The following PCDH17 variants were observed in gnomAD, a reference collection of about 807,000 sequenced individuals.
PCDH17 encodes the protein protocadherin 17, also known as protocadherin-17.
PCDH17 carries 21 observed loss-of-function variants against 67.7 expected under a neutral mutation model. The observed-to-expected ratio is 0.31, with a 90% CI of 0.22 to 0.45. The LOEUF is 0.45. Ranked by LOEUF, PCDH17 falls within the 20% of genes least tolerant of loss-of-function variation. The probability of loss-of-function intolerance (pLI) is 1.00; values close to 1 mark genes in which losing one functional copy is unlikely to be tolerated. For synonymous variants in PCDH17, 701 were observed against 656.7 expected, an observed-to-expected ratio of 1.07 and a Z score of -1.03; for missense variants, 1,471 against 1,564.8, an observed-to-expected ratio of 0.94 and a Z score of 1.01.
At chr13:57,649,648 A>G (rs780131875) in intron 1 of PCDH17, among the ~76,000 whole-genome samples, 7 of 152,208 alleles carry the variant, frequency 4.6e-5, no homozygotes, top group Admixed American at 1.3e-4. Context: ...GAATAATGTA[A>G]TAATATGTCA....
In PCDH17 at chr13:57,635,103, A is replaced by G; in HGVS notation, c.2557A>G (p.Ile853Val). Residue 853 changes from isoleucine to valine, a missense_variant, in exon 1 of 4, where the codon ATA (isoleucine) becomes GTA (valine). By Grantham distance (29) the Ile-to-Val change is conservative. Coordinates refer to ENST00000377918, the MANE Select transcript of PCDH17 (RefSeq NM_001040429.3). Reference protein sequence around the residue: ...ASETPATRMSIIQTDNFPAEP... With the variant: ...ASETPATRMSVIQTDNFPAEP... Reference sequence around the variant, plus strand: ...CGAGACCCCTGCCACTCGGATGTCCATAATTCAGGTAGGAGACTTTTAGCA... The same window carrying G: ...CGAGACCCCTGCCACTCGGATGTCCGTAATTCAGGTAGGAGACTTTTAGCA... 6.2e-7 allele frequency: 1 copy of G among 1,613,226 alleles called. No individual in the cohort carries two copies. Among genetic ancestry groups the G allele is most frequent in the Non-Finnish European group, 8.5e-7 (1 of 1,179,934 alleles).
At chr13:57,709,629 T>C (rs1955757059) in intron 3 of PCDH17, 1 of 152,198 alleles carries the variant, frequency 6.6e-6, no homozygotes, top group Non-Finnish European at 1.5e-5. Flanking sequence ...TCCTACTTGG[T>C]TTTTTCTATT....
Position 57,715,857 on chromosome 13 carries a change from CAG to C in PCDH17, c.2798-8753_2798-8752del, listed in dbSNP as rs199771618. On this transcript the variant is annotated intron_variant, in intron 3 of 3. Transcript: ENST00000377918. ...AAATGTTATGTTTGGTTAATGATAA[CAG>C]AAAATTAGAGGAAGAGGGAAGAAAG... is the stretch of plus-strand genomic sequence containing the variant. Among the ~76,000 whole-genome samples the C allele has an allele frequency of 4.3e-3, 657 of 151,614 alleles. 4 individuals carry two copies. The highest frequency in any genetic ancestry group is 0.013 in the African/African-American group (520 of 41,330).
In PCDH17 at chr13:57,696,682, G is replaced by A. The variant is rs187438092; in HGVS notation, c.2798-27930G>A. Among the ~76,000 whole-genome samples, 17 of 151,460 alleles carry A rather than the reference G, an allele frequency of 1.1e-4. No homozygotes were observed. In the East Asian group the frequency reaches 3.1e-3, roughly 28 times the overall value. On this transcript the variant is annotated intron_variant, in intron 3 of 3. Coordinates refer to ENST00000377918, the MANE Select transcript of PCDH17 (RefSeq NM_001040429.3). ...TGAAATTTATTTTGTCATTTACATA[G>A]GATAAAGAAAGTTAGGGGTTCTGTT...
At position 57,633,692 on chromosome 13, in the gene PCDH17, C is replaced by G. The variant is rs1954767666; in HGVS notation, c.1146C>G (p.Gly382=). The G allele has an allele frequency of 1.3e-6, 2 of 1,599,878 alleles. No individual in the cohort carries two copies. Among genetic ancestry groups the G allele is most frequent in the African/African-American group, 1.3e-5 (1 of 74,908 alleles). ...ALVRVTDRDS[G]KNGQLQCRVL... is the part of the protein sequence containing the mutation. ...TGCGGGTCACTGACCGGGACTCTGG[C>G]AAGAACGGACAGCTGCAGTGTCGGG... Residue 382 remains glycine (G), a synonymous_variant, in exon 1 of 4, where the codon GGC becomes GGG. Transcript: ENST00000377918. The surrounding 1 kb of genome is among the most constrained non-coding windows in gnomAD (Gnocchi z 6.2).
rs949985976 is a variant in PCDH17 at position 57,632,446 on chromosome 13, C to T, written c.-101C>T. On this transcript the variant is annotated 5_prime_UTR_variant, in exon 1 of 4. Transcript: ENST00000377918. The stretch of plus-strand genomic sequence containing the variant: ...AAAAAGGACCCATAGACTTGTGGCT[C>T]GCGTCGCGCGCGCACGCTGCGCCAG... The T allele has an allele frequency of 1.6e-6, 2 of 1,219,526 alleles. No homozygotes were observed. Among genetic ancestry groups the T allele is most frequent in the Non-Finnish European group, 2.3e-6 (2 of 886,446 alleles). 75.5% of individuals were successfully genotyped at this position (1,219,526 alleles called of 1,614,324 possible). A position where few individuals can be genotyped will look rare whatever the true frequency, so the allele number is the denominator to read the frequency against.
chr13:57,713,167 T>G (rs1402969585), intron 3 of PCDH17, among the ~76,000 whole-genome samples: 5 of 151,656 alleles, frequency 3.3e-5, no homozygotes. Flanking sequence ...CTTCTACCAA[T>G]TTCTCCAATG....
intron 3 of PCDH17, among the ~76,000 whole-genome samples, chr13:57,671,049 G>A (rs1358773953): frequency 6.6e-6 from 1 of 151,834 alleles, no homozygotes; most frequent in Non-Finnish European, 1.5e-5. Context: ...ATCAAAGAAT[G>A]TATCTAGTTT....
intron 1 of PCDH17, among the ~76,000 whole-genome samples, chr13:57,650,722 G>A (rs1955026041): frequency 6.6e-6 from 1 of 152,014 alleles, no homozygotes; most frequent in Non-Finnish European, 1.5e-5. Context: ...CCAGTGTATA[G>A]TAAGAAGTCA....
intron 3 of PCDH17, among the ~76,000 whole-genome samples, chr13:57,671,555 A>C (rs1955323264): frequency 6.6e-6 from 1 of 151,998 alleles, no homozygotes; most frequent in East Asian, 1.9e-4. Context: ...GAAGCCCTGT[A>C]AATTATTTTG....
At chr13:57,650,349 A>C (rs908358952) in intron 1 of PCDH17, among the ~76,000 whole-genome samples, 8 of 151,460 alleles carry the variant, frequency 5.3e-5, no homozygotes, top group African/African-American at 1.9e-4. Flanking sequence ...CGGCTGGTCT[A>C]CTGCCTTTTG....
intron 3 of PCDH17, among the ~76,000 whole-genome samples, chr13:57,700,393 A>G (rs1331919008): frequency 6.8e-6 from 1 of 146,808 alleles, no homozygotes; most frequent in African/African-American, 2.5e-5. Flanking sequence ...ATCTTGGCTC[A>G]CTGCAACCAC....
intron 3 of PCDH17, among the ~76,000 whole-genome samples, chr13:57,711,897 ATAAAT>A (rs1284230566): frequency 1.3e-5 from 2 of 151,426 alleles, no homozygotes; most frequent in Non-Finnish European, 3.0e-5. Context: ...ATACTTTTTA[ATAAAT>A]TATTAATCTA....
intron 3 of PCDH17, chr13:57,709,568 T>G (rs2138087024): frequency 6.6e-6 from 1 of 152,090 alleles, no homozygotes; most frequent in East Asian, 1.9e-4. Context: ...AGAATTTTAA[T>G]ATAAAAGTTA....
intron 3 of PCDH17, among the ~76,000 whole-genome samples, chr13:57,702,020 C>T (rs1466816626): frequency 1.3e-5 from 2 of 151,850 alleles, no homozygotes; most frequent in Non-Finnish European, 2.9e-5. Flanking sequence ...CAGGTTCAAG[C>T]GATTCTTCTG....
chr13:57,634,182 A>G lies in PCDH17; in HGVS notation c.1636A>G (p.Lys546Glu), dbSNP rs1335374341. 10 of 1,613,326 alleles carry G rather than the reference A, an allele frequency of 6.2e-6. No individual in the cohort carries two copies. The Admixed American group carries it at 1.0e-4, about 16-fold the overall frequency. ...GCGCTCCTTTAACTTCGAGCAGACC[A>G]AGGCTTTTGAGTTCAAGGTGCTTGC... is the stretch of plus-strand genomic sequence containing the variant. ...ALRSFNFEQTKAFEFKVLAKD... is the reference protein window; with the variant it reads ...ALRSFNFEQTEAFEFKVLAKD... Residue 546 changes from lysine to glutamate, a missense_variant, in exon 1 of 4, where the codon AAG becomes GAG. Lys to Glu is a moderately conservative substitution (Grantham distance 56). Coordinates refer to ENST00000377918, the MANE Select transcript of PCDH17 (RefSeq NM_001040429.3). The surrounding 1 kb of genome is among the most constrained non-coding windows in gnomAD (Gnocchi z 7.8).
At chr13:57,661,853 T>C (rs1438204165) in intron 1 of PCDH17, among the ~76,000 whole-genome samples, 1 of 152,138 alleles carries the variant, frequency 6.6e-6, no homozygotes, top group African/African-American at 2.4e-5. Flanking sequence ...GTGGCTTCAA[T>C]AGTAAGTCTT....
chr13:57,691,656 AG>A (rs1955560542), intron 3 of PCDH17, among the ~76,000 whole-genome samples: 1 of 151,304 alleles, frequency 6.6e-6, no homozygotes, highest in Non-Finnish European at 1.5e-5. Context: ...AAAATTTAAA[AG>A]CTTTACATAT....
chr13:57,663,938 C>T (rs899987797), intron 1 of PCDH17, among the ~76,000 whole-genome samples: 3 of 151,928 alleles, frequency 2.0e-5, no homozygotes, highest in East Asian at 1.9e-4. Flanking sequence ...GTTTTTGAGA[C>T]AGGTTGACCA....
Sources: allele counts gnomAD v4.1 joint callset (sites outside exome capture counted in the v4.1 genomes callset), GRCh38; gene constraint gnomAD v4.1.1; non-coding constraint Gnocchi (gnomAD v3.1); transcripts MANE v1.5; gene names NCBI Gene and HGNC (gene_info 2026-07-23, HGNC 2026-07-21).